The following CSGALNACT1 variants were observed in gnomAD, a reference collection of about 807,000 sequenced individuals.
The protein encoded by CSGALNACT1 is chondroitin sulfate N-acetylgalactosaminyltransferase 1.
CSGALNACT1 carries 52 observed loss-of-function variants against 51.0 expected under a neutral mutation model. The ratio of observed to expected loss-of-function variants is 1.02; its 90% CI spans 0.82 to 1.29. CSGALNACT1 has a LOEUF of 1.29. Among genes scored for constraint, CSGALNACT1 ranks in the 50% most tolerant of loss-of-function variants. The pLI is 0.00. For missense variants in CSGALNACT1, 935 were observed against 679.2 expected (o/e 1.38, Z -4.19); for synonymous variants, 341 against 254.4 (o/e 1.34, Z -3.24).
chr8:19,450,152 A>AGGAGGAGGGGGG (rs2062868998), intron 5 of CSGALNACT1, among the ~76,000 whole-genome samples: 1 of 73,586 alleles, frequency 1.4e-5, no homozygotes, highest in Non-Finnish European at 2.7e-5. Context: ...GAAAAGGAGG[A>AGGAGGAGGGGGG]GGAGGAGAGG....
At chr8:19,409,577 AAC>A (rs1263760188) in intron 8 of CSGALNACT1, among the ~76,000 whole-genome samples, 3 of 152,134 alleles carry the variant, frequency 2.0e-5, no homozygotes, top group Non-Finnish European at 4.4e-5. Context: ...GAACTCTGGG[AAC>A]AGTTTTGAGA....
intron 4 of CSGALNACT1, among the ~76,000 whole-genome samples, chr8:19,483,003 T>A (rs1434111276): frequency 6.6e-6 from 1 of 152,122 alleles, no homozygotes. Flanking sequence ...CCATCCCACA[T>A]CCAGTATACA....
intron 1 of CSGALNACT1, among the ~76,000 whole-genome samples, chr8:19,708,736 C>T (rs2062328659): frequency 6.6e-6 from 1 of 152,292 alleles, no homozygotes; most frequent in South Asian, 2.1e-4. Flanking sequence ...GTTCTGTCCA[C>T]TCCCCGGGAC....
At chr8:19,676,028 G>C (rs540780624) in intron 1 of CSGALNACT1, among the ~76,000 whole-genome samples, 1 of 144,238 alleles carries the variant, frequency 6.9e-6, no homozygotes, top group African/African-American at 2.6e-5. Context: ...AATAGAGATC[G>C]AGACAGAACT....
intron 1 of CSGALNACT1, among the ~76,000 whole-genome samples, chr8:19,753,446 C>A (rs373158987): frequency 2.6e-5 from 4 of 152,140 alleles, no homozygotes; most frequent in Admixed American, 6.5e-5. Flanking sequence ...AGACATTCTG[C>A]TAGATAAGAC....
intron 1 of CSGALNACT1, among the ~76,000 whole-genome samples, chr8:19,709,672 G>A (rs942208240): frequency 2.0e-5 from 3 of 152,184 alleles, no homozygotes; most frequent in Non-Finnish European, 4.4e-5. Context: ...TCTCAACTTG[G>A]CACTCAGTGG....
At chr8:19,408,515 C>T (rs1426232071) in intron 9 of CSGALNACT1, 98 bp downstream of exon 8, 43 of 597,052 alleles carry the variant, frequency 7.2e-5, no homozygotes, top group Non-Finnish European at 1.1e-4. Context: ...ATGGTACCAC[C>T]TTCCCAACCA....
At chr8:19,495,240 T>A (rs115018979) in intron 4 of CSGALNACT1, 2 of 152,138 alleles carry the variant, frequency 1.3e-5, no homozygotes, top group African/African-American at 4.8e-5. Flanking sequence ...TAGAGAAACA[T>A]TGGAAGCTTC....
At chr8:19,429,298 T>G (rs2059294035) in intron 6 of CSGALNACT1, among the ~76,000 whole-genome samples, 1 of 152,170 alleles carries the variant, frequency 6.6e-6, no homozygotes, top group African/African-American at 2.4e-5. Flanking sequence ...TGCCTCAGCC[T>G]CCCCAGTACC....
intron 3 of CSGALNACT1, among the ~76,000 whole-genome samples, chr8:19,524,974 C>T (rs1327696126): frequency 6.6e-6 from 1 of 152,188 alleles, no homozygotes; most frequent in Admixed American, 6.5e-5. Context: ...TAAACCAGAA[C>T]AGTATCTCTG....
chr8:19,525,752 T>C (rs2081556095), intron 3 of CSGALNACT1, among the ~76,000 whole-genome samples: 1 of 151,422 alleles, frequency 6.6e-6, no homozygotes, highest in Admixed American at 6.6e-5. Flanking sequence ...CGGAGCACAT[T>C]TGAGGTACAT....
intron 8 of CSGALNACT1, among the ~76,000 whole-genome samples, chr8:19,415,758 GAACTTT>G (rs1289201440): frequency 6.6e-6 from 1 of 152,128 alleles, no homozygotes; most frequent in African/African-American, 2.4e-5. Flanking sequence ...AAACCCAAAG[GAACTTT>G]AACTTTGATT....
At chr8:19,454,872 C>G (rs1290527926) in intron 5 of CSGALNACT1, among the ~76,000 whole-genome samples, 6 of 152,032 alleles carry the variant, frequency 3.9e-5, no homozygotes, top group African/African-American at 1.4e-4. Context: ...GAACTAATGT[C>G]TCTCACAGTG....
chr8:19,687,872 G>A (rs2061063778), intron 1 of CSGALNACT1, among the ~76,000 whole-genome samples: 1 of 152,222 alleles, frequency 6.6e-6, no homozygotes, highest in Admixed American at 6.5e-5. Context: ...ATGGAAAAGT[G>A]ACTGAAGCAG....
chr8:19,420,431 C>G (rs2057732567), exon 7 of CSGALNACT1: 1 of 1,614,054 alleles, frequency 6.2e-7, no homozygotes, highest in Admixed American at 1.7e-5. Context: ...TGCTTCCCTT[C>G]CAGAAGCGGG....
At chr8:19,674,750 G>T (rs1270009264) in intron 1 of CSGALNACT1, among the ~76,000 whole-genome samples, 1 of 152,184 alleles carries the variant, frequency 6.6e-6, no homozygotes, top group South Asian at 2.1e-4. Flanking sequence ...AGGGAGGGCA[G>T]TTAGGAGGCA....
chr8:19,584,178 A>G (rs1453615200), intron 3 of CSGALNACT1, among the ~76,000 whole-genome samples: 1 of 152,224 alleles, frequency 6.6e-6, no homozygotes, highest in African/African-American at 2.4e-5. Context: ...CTGTTTTTTC[A>G]TCTGCAGAAC....
chr8:19,551,330 T>C (rs2088020628), intron 3 of CSGALNACT1, among the ~76,000 whole-genome samples: 1 of 152,138 alleles, frequency 6.6e-6, no homozygotes, highest in South Asian at 2.1e-4. Flanking sequence ...CACCATTTTC[T>C]GAGCAAGCAG....
At position 19,478,791 on chromosome 8, in the gene CSGALNACT1, G is replaced by A. The variant is rs532649888; in HGVS notation, c.635-20149C>T. On this transcript the variant is annotated intron_variant, in intron 4 of 9. Transcript: ENST00000454498. ...TAATGTTGCCAAAGCCTAATGTGAC[G>A]AAGCTACTTATCCCTTGAAGGGCAA... is the stretch of plus-strand genomic sequence containing the variant. Among the ~76,000 whole-genome samples the A allele has an allele frequency of 9.2e-5, 14 of 152,266 alleles. No individual in the cohort carries two copies. The South Asian group carries it at 1.9e-3, about 20-fold the overall frequency.
Sources: allele counts gnomAD v4.1 joint callset (sites outside exome capture counted in the v4.1 genomes callset), GRCh38; gene constraint gnomAD v4.1.1; transcripts MANE v1.5; gene names NCBI Gene and HGNC (gene_info 2026-07-23, HGNC 2026-07-21).